GARIN2: variants seen among roughly 807,000 people sequenced by gnomAD.
GARIN2 encodes the protein golgi associated RAB2 interactor family member 2.
chr14:67,203,148 G>A, the GARIN2 span: 797 of 1,613,764 alleles, frequency 4.9e-4, no homozygotes, highest in Non-Finnish European at 6.5e-4. Flanking sequence ...CTGGGTGACC[G>A]TAGGCATCTG....
At chr14:67,225,089 T>C in the GARIN2 span, 13 of 1,538,588 alleles carry the variant, frequency 8.4e-6, no homozygotes, top group Non-Finnish European at 1.1e-5. Context: ...TCCTTTACTT[T>C]CCTTATTCTT....
At chr14:67,227,073 C>T in the GARIN2 span, among the ~76,000 whole-genome samples, 2 of 152,294 alleles carry the variant, frequency 1.3e-5, no homozygotes, top group Admixed American at 6.5e-5. Context: ...ATTAGGGTCT[C>T]ATTAACAGAG....
chr14:67,211,297 C>CA, the GARIN2 span, among the ~76,000 whole-genome samples: 1 of 152,026 alleles, frequency 6.6e-6, no homozygotes, highest in East Asian at 1.9e-4. Flanking sequence ...AAGATAGGTT[C>CA]AAGCAAACTG....
At chr14:67,215,970 A>G in the GARIN2 span, among the ~76,000 whole-genome samples, 2 of 152,192 alleles carry the variant, frequency 1.3e-5, no homozygotes, top group African/African-American at 2.4e-5. Flanking sequence ...CCTTTTAAAA[A>G]ATTGATGAAA....
At chr14:67,199,667 C>A in the GARIN2 span, 2 of 1,581,040 alleles carry the variant, frequency 1.3e-6, no homozygotes, top group South Asian at 2.2e-5. Context: ...CCCGCTCTCC[C>A]AGCCTGACCG....
the GARIN2 span, among the ~76,000 whole-genome samples, chr14:67,194,610 A>G: frequency 2.6e-5 from 4 of 151,942 alleles, no homozygotes; most frequent in Non-Finnish European, 5.9e-5. Context: ...GGTTCAAGAG[A>G]TTCTCCTGCT....
the GARIN2 span, among the ~76,000 whole-genome samples, chr14:67,217,138 G>A: frequency 4.6e-5 from 7 of 151,484 alleles, no homozygotes; most frequent in East Asian, 5.8e-4. Context: ...AAATTGATCC[G>A]TTTATAACTA....
At chr14:67,224,259 C>CTT in the GARIN2 span, among the ~76,000 whole-genome samples, 5 of 134,796 alleles carry the variant, frequency 3.7e-5, no homozygotes, top group Non-Finnish European at 6.4e-5. Flanking sequence ...TCTCTCTTTT[C>CTT]TTTTTTTTTT....
At chr14:67,213,339 G>A in the GARIN2 span, among the ~76,000 whole-genome samples, 4 of 110,682 alleles carry the variant, frequency 3.6e-5, no homozygotes, top group East Asian at 5.6e-4. Context: ...AACAGTCCCT[G>A]GAGTGTGATG....
At chr14:67,199,266 A>G in the GARIN2 span, 1 of 1,596,706 alleles carries the variant, frequency 6.3e-7, no homozygotes, top group Non-Finnish European at 8.6e-7. Context: ...GATGCTGACT[A>G]TGCCATTAAG....
At chr14:67,204,371 C>G in the GARIN2 span, 5 of 590,120 alleles carry the variant, frequency 8.5e-6, no homozygotes, top group African/African-American at 1.0e-4. Context: ...CACAGGAAGT[C>G]GAGGCTGCAG....
chr14:67,213,094 TG>T, the GARIN2 span, among the ~76,000 whole-genome samples: 8 of 135,450 alleles, frequency 5.9e-5, no homozygotes, highest in East Asian at 2.4e-4. Flanking sequence ...AATTCTGTGG[TG>T]TTTTTTTTTT....
chr14:67,205,226 G>A, the GARIN2 span: 17 of 848,808 alleles, frequency 2.0e-5, no homozygotes, highest in Non-Finnish European at 3.5e-6. Flanking sequence ...AATTTTAATA[G>A]TGAGATTAAA....
chr14:67,214,537 G>A, the GARIN2 span, among the ~76,000 whole-genome samples: 1 of 152,076 alleles, frequency 6.6e-6, no homozygotes, highest in Non-Finnish European at 1.5e-5. Context: ...CTCTGTTTTG[G>A]TACCAGTACC....
At chr14:67,200,164 C>A in the GARIN2 span, 2 of 1,158,610 alleles carry the variant, frequency 1.7e-6, no homozygotes, top group Non-Finnish European at 1.2e-6. Flanking sequence ...AGGTCCTATG[C>A]CTCCACATGG....
At chr14:67,215,653 C>A in the GARIN2 span, among the ~76,000 whole-genome samples, 27 of 152,114 alleles carry the variant, frequency 1.8e-4, 1 homozygote, top group South Asian at 5.2e-3. Context: ...GGAAAACATA[C>A]CTTTCACTAC....
chr14:67,214,639 G>C, the GARIN2 span, among the ~76,000 whole-genome samples: 1 of 151,952 alleles, frequency 6.6e-6, no homozygotes, highest in African/African-American at 2.4e-5. Context: ...GGATTGACTT[G>C]GCGATGCGGG....
At chr14:67,208,412 G>A in the GARIN2 span, 5 of 1,613,938 alleles carry the variant, frequency 3.1e-6, no homozygotes, top group South Asian at 4.4e-5. Flanking sequence ...AAAGATGCCT[G>A]ATTTTCAGAG....
the GARIN2 span, chr14:67,201,450 C>G: frequency 2.2e-6 from 1 of 456,104 alleles, no homozygotes; most frequent in Non-Finnish European, 4.4e-6. Context: ...CTCAGGGCCT[C>G]ACATCTAAAC....
Sources: allele counts gnomAD v4.1 joint callset (sites outside exome capture counted in the v4.1 genomes callset), GRCh38; gene constraint gnomAD v4.1.1; transcripts MANE v1.5; gene names NCBI Gene and HGNC (gene_info 2026-07-23, HGNC 2026-07-21).